BCKDK: variants seen among roughly 807,000 people sequenced by gnomAD.
The protein encoded by BCKDK is branched-chain alpha-ketoacid dehydrogenase kinase.
BCKDK carries 28 observed loss-of-function variants against 43.9 expected under a neutral mutation model. The observed-to-expected ratio is 0.64, with a 90% CI of 0.47 to 0.87. The LOEUF (loss-of-function observed/expected upper bound fraction) is 0.87. BCKDK is among the 40% of genes least tolerant of loss of function. The pLI is 0.00. For missense variants in BCKDK, 483 were observed against 581.4 expected, an observed-to-expected ratio of 0.83 and a Z score of 1.74; for synonymous variants, 257 against 234.3, an observed-to-expected ratio of 1.10 and a Z score of -0.88.
In BCKDK at chr16:31,108,953, C is replaced by T. The variant is rs537936918; in HGVS notation, c.-177-94C>T. On this transcript the variant is annotated intron_variant, in intron 1 of 11. Transcript: ENST00000219794. The surrounding 1 kb of genome is among the most constrained non-coding windows in gnomAD (Gnocchi z 6.2). ...GACGGTGGGAGTGGTGGGGAGAGGTCGCCCGGGTCTGGGGAGACCGATGCA... is the reference window on the plus strand; with the variant it reads ...GACGGTGGGAGTGGTGGGGAGAGGTTGCCCGGGTCTGGGGAGACCGATGCA... 2.2e-5 allele frequency: 7 copies of T among 324,206 alleles called. No homozygotes were observed. Among genetic ancestry groups the T allele is most frequent in the African/African-American group, 1.3e-4 (6 of 46,764 alleles). The allele number at this position is 324,206 out of a possible 1,614,324, so 20.1% of individuals were successfully genotyped here. A position where few individuals can be genotyped will look rare whatever the true frequency, so the allele number is the denominator to read the frequency against.
At chr16:31,116,788 G>C (rs1173581304), downstream of BCKDK, among the ~76,000 whole-genome samples, 2 of 151,592 alleles carry the variant, frequency 1.3e-5, no homozygotes, top group African/African-American at 4.8e-5. Context: ...GTGGTGGCGC[G>C]CGATTGTAAT....
At chr16:31,115,534 C>T (rs2057440293), downstream of BCKDK, among the ~76,000 whole-genome samples, 1 of 151,288 alleles carries the variant, frequency 6.6e-6, no homozygotes, top group Admixed American at 6.6e-5. Flanking sequence ...CCTTTTCTTT[C>T]CCCCCTTTTT....
At position 31,108,420 on chromosome 16, in the gene BCKDK, C is replaced by T. The variant is rs1242084300; in HGVS notation, c.-237C>T. ...GCGGAGGGCGCAGGCGGCTGGGCGC[C>T]TGGCGAGTGGACTGTTCGAGCCCTT... is the stretch of plus-strand genomic sequence containing the variant. On this transcript the variant is annotated 5_prime_UTR_variant, in exon 1 of 12. Transcript: ENST00000219794. The surrounding 1 kb of genome is among the most constrained non-coding windows in gnomAD (Gnocchi z 6.2). The T allele has an allele frequency of 6.6e-6, 1 of 152,286 alleles. No individual in the cohort carries two copies. Among genetic ancestry groups the T allele is most frequent in the Non-Finnish European group, 1.5e-5 (1 of 68,066 alleles). The allele number at this position is 152,286 out of a possible 1,614,324, so 9.4% of individuals were successfully genotyped here.
chr16:31,114,554 CCT>C (rs1567431268), downstream of BCKDK, among the ~76,000 whole-genome samples: 1 of 151,984 alleles, frequency 6.6e-6, no homozygotes, highest in Admixed American at 6.6e-5. Context: ...ATCCGCAGGC[CCT>C]GAGCATTCCA....
In BCKDK at chr16:31,112,206, A is replaced by G; in HGVS notation, c.1180A>G (p.Thr394Ala). Residue 394 changes from threonine to alanine, a missense_variant, in exon 12 of 12, where the codon ACG becomes GCG. Coordinates refer to ENST00000219794, the MANE Select transcript of BCKDK (RefSeq NM_005881.4). This position sits in a 1 kb window ranked among gnomAD's most constrained non-coding sequence, Gnocchi z 5.0. Reference protein sequence around the residue: ...LQLQSLQGIGTDVYLRLRHID... With the variant: ...LQLQSLQGIGADVYLRLRHID... Reference sequence around the variant, plus strand: ...GCTGCAGTCCCTGCAGGGCATTGGCACGGACGTCTACCTGCGGCTCCGCCA... The same window carrying G: ...GCTGCAGTCCCTGCAGGGCATTGGCGCGGACGTCTACCTGCGGCTCCGCCA... The G allele has an allele frequency of 1.2e-6, 2 of 1,612,360 alleles. No homozygotes were observed. Among genetic ancestry groups the G allele is most frequent in the South Asian group, 2.2e-5 (2 of 91,086 alleles).
Position 31,109,875 on chromosome 16 carries a change from T to A in BCKDK, c.375+92T>A. 1 of 1,445,154 alleles carries A rather than the reference T, an allele frequency of 6.9e-7. No homozygotes were observed. Among genetic ancestry groups the A allele is most frequent in the Non-Finnish European group, 9.7e-7 (1 of 1,034,088 alleles). The allele number at this position is 1,445,154 out of a possible 1,614,324, so 89.5% of individuals were successfully genotyped here. A position where few individuals can be genotyped will look rare whatever the true frequency, so the allele number is the denominator to read the frequency against. ...CCAGAGTGGCAGACGATTGCTTGCC[T>A]AAAGGTGTCAGGGCCACACAGGATT... On this transcript the variant is annotated intron_variant, in intron 4 of 11. Coordinates refer to ENST00000219794, the MANE Select transcript of BCKDK (RefSeq NM_005881.4). This position sits in a 1 kb window ranked among gnomAD's most constrained non-coding sequence, Gnocchi z 5.3.
In BCKDK at chr16:31,112,358, A is replaced by G. The variant is rs776095748; in HGVS notation, c.*93A>G. The G allele has an allele frequency of 1.3e-6, 2 of 1,564,284 alleles. No homozygotes were observed. The highest frequency in any genetic ancestry group is 1.7e-6 in the Non-Finnish European group (2 of 1,150,936). Reference sequence around the variant, plus strand: ...GGCAGGGCGGCCCCCTGCTCCACACACTGCTGCATCTTGGGTCTCAGGGAC... The same window carrying G: ...GGCAGGGCGGCCCCCTGCTCCACACGCTGCTGCATCTTGGGTCTCAGGGAC... On this transcript the variant is annotated 3_prime_UTR_variant, in exon 12 of 12. Transcript: ENST00000219794. This position sits in a 1 kb window ranked among gnomAD's most constrained non-coding sequence, Gnocchi z 5.0.
chr16:31,117,571 C>A (rs1320599205), downstream of BCKDK: 4 of 907,542 alleles, frequency 4.4e-6, no homozygotes, highest in Non-Finnish European at 6.0e-6. Flanking sequence ...TCGGCTCCTG[C>A]TACATCACAG....
downstream of BCKDK, among the ~76,000 whole-genome samples, chr16:31,114,020 T>C (rs1211654007): frequency 1.3e-5 from 2 of 152,158 alleles, no homozygotes; most frequent in Non-Finnish European, 2.9e-5. Flanking sequence ...TGGCAGTCAC[T>C]GGTTAAAGTC....
Position 31,112,268 on chromosome 16 carries a change from C to T in BCKDK, c.*3C>T, listed in dbSNP as rs768132109. 3.1e-6 allele frequency: 5 copies of T among 1,607,750 alleles called. No individual in the cohort carries two copies. In the South Asian group the frequency reaches 5.5e-5, roughly 18 times the overall value. On this transcript the variant is annotated 3_prime_UTR_variant, in exon 12 of 12. Transcript: ENST00000219794. The surrounding 1 kb of genome is among the most constrained non-coding windows in gnomAD (Gnocchi z 5.0). ...GGGAGGAAAGCTTCCGGATCTGACC[C>T]CACAGCCTTTGGCCTGCTCACCCGA...
In BCKDK at chr16:31,109,305, CG is replaced by C. The variant is rs1567427959; in HGVS notation, c.85del (p.Ala29ProfsTer42). On this transcript the variant is annotated frameshift_variant, in exon 2 of 12. Transcript: ENST00000219794. LOFTEE classifies it high-confidence loss of function. This position sits in a 1 kb window ranked among gnomAD's most constrained non-coding sequence, Gnocchi z 5.3. The part of the protein sequence containing the change: ...RPLLGPALAL[R>X]ARSTSATDTH... The stretch of plus-strand genomic sequence containing the variant: ...CCTCCTGGGACCCGCACTCGCGCTC[CG>C]GGCCCGCTCGACGTCGGCCACCGAC... 1.9e-6 allele frequency: 3 copies of C among 1,606,940 alleles called. No individual in the cohort carries two copies. The highest frequency in any genetic ancestry group is 2.2e-5 in the East Asian group (1 of 44,698).
Position 31,110,810 on chromosome 16 carries a change from G to A in BCKDK, c.716+49G>A, listed in dbSNP as rs758420729. ...GTGGGCAGACATCTGGGGCAGGGAA[G>A]GCTTGGGTCTGAGCCCTTGCCCGGG... On this transcript the variant is annotated intron_variant, in intron 8 of 11. Transcript: ENST00000219794. This position sits in a 1 kb window ranked among gnomAD's most constrained non-coding sequence, Gnocchi z 5.4. 1.3e-6 allele frequency: 2 copies of A among 1,589,912 alleles called. No individual in the cohort carries two copies. The highest frequency in any genetic ancestry group is 1.1e-5 in the South Asian group (1 of 90,564).
chr16:31,115,222 C>T (rs199507385), downstream of BCKDK, among the ~76,000 whole-genome samples: 64 of 129,008 alleles, frequency 5.0e-4, no homozygotes, highest in East Asian at 0.013. Context: ...CGCGCCCAGT[C>T]TTTTTTTTTT....
In BCKDK at chr16:31,110,832, C is replaced by T. The variant is rs970558987; in HGVS notation, c.716+71C>T. ...GAAGGCTTGGGTCTGAGCCCTTGCC[C>T]GGGGCATGATCTGCGGGGAGCAGGG... On this transcript the variant is annotated intron_variant, in intron 8 of 11. Coordinates refer to ENST00000219794, the MANE Select transcript of BCKDK (RefSeq NM_005881.4). The surrounding 1 kb of genome is among the most constrained non-coding windows in gnomAD (Gnocchi z 5.4). The T allele has an allele frequency of 2.2e-5, 34 of 1,536,152 alleles. No individual in the cohort carries two copies. The highest frequency in any genetic ancestry group is 1.2e-4 in the African/African-American group (9 of 73,166).
Position 31,109,889 on chromosome 16 carries a change from C to G in BCKDK, c.375+106C>G. ...GATTGCTTGCCTAAAGGTGTCAGGG[C>G]CACACAGGATTCAACCCCAGGCCTT... On this transcript the variant is annotated intron_variant, in intron 4 of 11. Coordinates refer to ENST00000219794, the MANE Select transcript of BCKDK (RefSeq NM_005881.4). This position sits in a 1 kb window ranked among gnomAD's most constrained non-coding sequence, Gnocchi z 5.3. The G allele has an allele frequency of 3.6e-6, 5 of 1,393,554 alleles. No individual in the cohort carries two copies. The South Asian group carries it at 5.9e-5, about 16-fold the overall frequency. 86.3% of individuals were successfully genotyped at this position (1,393,554 alleles called of 1,614,324 possible). A position where few individuals can be genotyped will look rare whatever the true frequency, so the allele number is the denominator to read the frequency against.
Position 31,110,966 on chromosome 16 carries a change from G to T in BCKDK, c.717-125G>T. ...CAGCATCCCTGGCGCCAGCAGTACT[G>T]CCTAGTTGTGACAAACAAAAATGTC... On this transcript the variant is annotated intron_variant, in intron 8 of 11. Coordinates refer to ENST00000219794, the MANE Select transcript of BCKDK (RefSeq NM_005881.4). This position sits in a 1 kb window ranked among gnomAD's most constrained non-coding sequence, Gnocchi z 5.4. The T allele has an allele frequency of 1.4e-6, 2 of 1,478,348 alleles. No homozygotes were observed. The allele number at this position is 1,478,348 out of a possible 1,614,324, so 91.6% of individuals were successfully genotyped here. A position where few individuals can be genotyped will look rare whatever the true frequency, so the allele number is the denominator to read the frequency against.
At chr16:31,117,405 A>ATAAATAAATAAATAAAT (rs2057454966), downstream of BCKDK, 5 of 217,018 alleles carry the variant, frequency 2.3e-5, no homozygotes, top group South Asian at 2.2e-3. Flanking sequence ...AATAAATTAA[A>ATAAATAAATAAATAAAT]AAAAGGTTGA....
chr16:31,117,446 C>G (rs990228030), downstream of BCKDK: 2 of 392,350 alleles, frequency 5.1e-6, no homozygotes, highest in Non-Finnish European at 9.0e-6. Context: ...AAGTCTGTCT[C>G]CTCTCCTCAC....
At position 31,111,381 on chromosome 16, in the gene BCKDK, G is replaced by A. The variant is rs1431645708; in HGVS notation, c.927G>A (p.Leu309=). Residue 309 remains leucine (L), a synonymous_variant, in exon 10 of 12, where the codon CTG becomes CTA. Coordinates refer to ENST00000219794, the MANE Select transcript of BCKDK (RefSeq NM_005881.4). ...VITIANNDVD[L]IIRISDRGGG... Reference sequence around the variant, plus strand: ...CCATCGCCAACAATGATGTCGATCTGATCATCAGGTTTGCCCTGAGTGGGA... The same window carrying A: ...CCATCGCCAACAATGATGTCGATCTAATCATCAGGTTTGCCCTGAGTGGGA... The A allele has an allele frequency of 6.2e-7, 1 of 1,613,994 alleles. No individual in the cohort carries two copies. Among genetic ancestry groups the A allele is most frequent in the African/African-American group, 1.3e-5 (1 of 74,942 alleles).
Sources: gnomAD v4.1 joint callset for allele counts (sites outside exome capture counted in the v4.1 genomes callset) on GRCh38, gnomAD v4.1.1 for gene constraint, Gnocchi (gnomAD v3.1) non-coding constraint, MANE v1.5 for transcripts, NCBI Gene and HGNC (gene_info 2026-07-23, HGNC 2026-07-21) for gene names.